Variants in CCNDBP1 observed in about 807,000 individuals in gnomAD.
The protein encoded by CCNDBP1 is cyclin-D1-binding protein 1.
In CCNDBP1, 45 loss-of-function variants were observed where a neutral mutation model predicts 46.2. The ratio of observed to expected loss-of-function variants is 0.97; its 90% CI spans 0.77 to 1.25. The LOEUF (loss-of-function observed/expected upper bound fraction) is 1.25. Among genes scored for constraint, CCNDBP1 ranks in the 50% most tolerant of loss-of-function variants. The pLI is 0.00. For synonymous variants in CCNDBP1, 154 were observed against 163.6 expected (o/e 0.94, Z 0.45); for missense variants, 436 against 442.1 (o/e 0.99, Z 0.12).
chr15:43,185,737 C>G (rs564932432), intron 1 of CCNDBP1, 83 bp from the exon 2 acceptor site: 704 of 1,486,760 alleles, frequency 4.7e-4, no homozygotes, highest in Admixed American at 1.0e-3. Context: ...GGCGGGGAGC[C>G]GGGCTTGGGC....
chr15:43,191,467 C>G lies in CCNDBP1; in HGVS notation c.652C>G (p.His218Asp). 1 of 1,586,240 alleles carries G rather than the reference C, an allele frequency of 6.3e-7. No individual in the cohort carries two copies. Among genetic ancestry groups the G allele is most frequent in the Non-Finnish European group, 8.6e-7 (1 of 1,164,356 alleles). Residue 218 changes from histidine (H) to aspartate (D), a missense_variant, in exon 8 of 11, where the codon CAT becomes GAT. Transcript: ENST00000300213. ...GGAGAACAACTCTGACAACCACAAT[C>G]ATGAGGATGATGTGTTGGGGTTTCC... is the stretch of plus-strand genomic sequence containing the variant. ...TEENNSDNHN[H>D]EDDVLGFPSN...
Position 43,194,972 on chromosome 15 carries a change from T to C in CCNDBP1, c.*131T>C. On this transcript the variant is annotated 3_prime_UTR_variant, in exon 11 of 11. Coordinates refer to ENST00000300213, the MANE Select transcript of CCNDBP1 (RefSeq NM_012142.5). Reference sequence around the variant, plus strand: ...CCTATCTATATTTAGCAAGAGACACTATTACCAAAGATTGTTGGTTAGGCC... The same window carrying C: ...CCTATCTATATTTAGCAAGAGACACCATTACCAAAGATTGTTGGTTAGGCC... 1 of 595,048 alleles carries C rather than the reference T, an allele frequency of 1.7e-6. No individual in the cohort carries two copies. Among genetic ancestry groups the C allele is most frequent in the Middle Eastern group, 2.6e-4 (1 of 3,852 alleles). 36.9% of individuals were successfully genotyped at this position (595,048 alleles called of 1,614,324 possible).
In CCNDBP1 at chr15:43,191,446, A is replaced by G; in HGVS notation, c.631A>G (p.Asn211Asp). ...TGGCCTCTTGAATGATACTGAGGAG[A>G]ACAACTCTGACAACCACAATCATGA... The part of the protein sequence containing the change: ...YSGLLNDTEE[N>D]NSDNHNHEDD... The change falls in exon 8 of 11, where the codon AAC (asparagine) becomes GAC (aspartate). Residue 211 changes from asparagine to aspartate, a missense_variant. Transcript: ENST00000300213. 3 of 1,613,238 alleles carry G rather than the reference A, an allele frequency of 1.9e-6. No homozygotes were observed. Among genetic ancestry groups the G allele is most frequent in the Non-Finnish European group, 2.5e-6 (3 of 1,179,912 alleles).
chr15:43,194,629 TA>T, intron 10 of CCNDBP1, 97 bp from the exon 11 acceptor site: 1 of 1,087,046 alleles, frequency 9.2e-7, no homozygotes. Flanking sequence ...AGCTTCCCTT[TA>T]AAAAAATTTT....
chr15:43,193,011 T>A, intron 9 of CCNDBP1: 1 of 564,118 alleles, frequency 1.8e-6, no homozygotes, highest in Non-Finnish European at 3.2e-6. Flanking sequence ...GGTAGTTCTC[T>A]CTTCCATAAT....
chr15:43,186,692 A>T (rs1487551389), intron 3 of CCNDBP1, among the ~76,000 whole-genome samples: 11 of 152,366 alleles, frequency 7.2e-5, no homozygotes, highest in African/African-American at 2.6e-4. Flanking sequence ...AATCAGTAAC[A>T]TATGTAGATA....
In CCNDBP1 at chr15:43,194,046, C is replaced by CTTTTT. The variant is rs748207621; in HGVS notation, c.922-343_922-339dup. 209 of 50,216 alleles carry CTTTTT rather than the reference C, an allele frequency of 4.2e-3. 2 individuals carry two copies. The highest frequency in any genetic ancestry group is 0.011 in the East Asian group (13 of 1,170). 3.1% of individuals were successfully genotyped at this position (50,216 alleles called of 1,614,324 possible). A position where few individuals can be genotyped will look rare whatever the true frequency, so the allele number is the denominator to read the frequency against. On this transcript the variant is annotated intron_variant, in intron 9 of 10. Coordinates refer to ENST00000300213, the MANE Select transcript of CCNDBP1 (RefSeq NM_012142.5). ...TGGTGTTCTTAAAATTCTTAATGCG[C>CTTTTT]TTTTTTTTTTTTTTTTTTTTTTTTT...
At chr15:43,189,820 A>G (rs2041918609) in intron 4 of CCNDBP1, 1 of 530,750 alleles carries the variant, frequency 1.9e-6, no homozygotes, top group Non-Finnish European at 3.3e-6. Flanking sequence ...GAATGAATAC[A>G]TGGTGTCACG....
intron 3 of CCNDBP1, 98 bp from the exon 4 acceptor site, chr15:43,189,101 A>AAAT (rs1555469930): frequency 5.1e-4 from 84 of 165,784 alleles, no homozygotes; most frequent in Non-Finnish European, 6.6e-4. Flanking sequence ...AAAAAAAAAA[A>AAAT]AAAGAAAAAG....
chr15:43,190,338 G>T lies in CCNDBP1; in HGVS notation c.442G>T (p.Asp148Tyr). Residue 148 changes from aspartate to tyrosine, a missense_variant, in exon 6 of 11, where the codon GAC becomes TAC. Coordinates refer to ENST00000300213, the MANE Select transcript of CCNDBP1 (RefSeq NM_012142.5). ...VTPTQSPENN[D>Y]LISYNSVWVA... is the part of the protein sequence containing the mutation. ...TTCTTTCCCCAGCCCTGAGAACAAT[G>T]ACCTTATTTCCTACAACAGTGTCTG... is the stretch of plus-strand genomic sequence containing the variant. The T allele has an allele frequency of 6.2e-7, 1 of 1,614,076 alleles. No individual in the cohort carries two copies. The highest frequency in any genetic ancestry group is 1.3e-5 in the African/African-American group (1 of 75,030).
In CCNDBP1 at chr15:43,196,316, T is replaced by G. The variant is rs1366959207; in HGVS notation, c.*1475T>G. 4 of 141,856 alleles carry G rather than the reference T, an allele frequency of 2.8e-5. No individual in the cohort carries two copies. In the East Asian group the frequency reaches 8.3e-4, roughly 30 times the overall value. 8.8% of individuals were successfully genotyped at this position (141,856 alleles called of 1,614,324 possible). On this transcript the variant is annotated 3_prime_UTR_variant, in exon 11 of 11. Coordinates refer to ENST00000300213, the MANE Select transcript of CCNDBP1 (RefSeq NM_012142.5). Reference sequence around the variant, plus strand: ...TTTTTTTTTTTTTGAGATGGAGTCTTGCTCTGTCCCCCAAGCTGGAGTGCA... The same window carrying G: ...TTTTTTTTTTTTTGAGATGGAGTCTGGCTCTGTCCCCCAAGCTGGAGTGCA...
intron 1 of CCNDBP1, 77 bp from the exon 2 acceptor site, chr15:43,185,743 T>G (rs2041808896): frequency 1.5e-5 from 23 of 1,510,848 alleles, no homozygotes; most frequent in Non-Finnish European, 2.0e-5. Flanking sequence ...GAGCCGGGCT[T>G]GGGCGAGGGA....
At position 43,195,586 on chromosome 15, in the gene CCNDBP1, T is replaced by G. The variant is rs2042029266; in HGVS notation, c.*745T>G. 1 of 152,192 alleles carries G rather than the reference T, an allele frequency of 6.6e-6. No individual in the cohort carries two copies. Among genetic ancestry groups the G allele is most frequent in the South Asian group, 2.1e-4 (1 of 4,836 alleles). The allele number at this position is 152,192 out of a possible 1,614,324, so 9.4% of individuals were successfully genotyped here. On this transcript the variant is annotated 3_prime_UTR_variant, in exon 11 of 11. Coordinates refer to ENST00000300213, the MANE Select transcript of CCNDBP1 (RefSeq NM_012142.5). ...AAAAATTTTTTAGTGTGTAAGAGATTTTATGTAATTTTAAGGGCCTTTTCA... is the reference window on the plus strand; with the variant it reads ...AAAAATTTTTTAGTGTGTAAGAGATGTTATGTAATTTTAAGGGCCTTTTCA...
intron 3 of CCNDBP1, 148 bp downstream of exon 3, chr15:43,186,381 GT>G: frequency 1.5e-6 from 1 of 672,028 alleles, no homozygotes; most frequent in South Asian, 1.9e-5. Context: ...CAGGATTGTT[GT>G]GAAGACCGAA....
At chr15:43,191,347 T>C in intron 7 of CCNDBP1, 48 bp from the exon 8 acceptor site, 1 of 618,210 alleles carries the variant, frequency 1.6e-6, no homozygotes, top group Non-Finnish European at 2.2e-6. Flanking sequence ...CCTCGCCTTT[T>C]TTTTTTTTTT....
rs897068297 is a variant in CCNDBP1, at chr15:43,195,171, A to G, written c.*330A>G. The G allele has an allele frequency of 1.0e-5, 2 of 191,104 alleles. No homozygotes were observed. Among genetic ancestry groups the G allele is most frequent in the Non-Finnish European group, 2.1e-5 (2 of 94,176 alleles). 11.8% of individuals were successfully genotyped at this position (191,104 alleles called of 1,614,324 possible). On this transcript the variant is annotated 3_prime_UTR_variant, in exon 11 of 11. Transcript: ENST00000300213. Reference sequence around the variant, plus strand: ...CATTGTAAAGATGTTGATGGTCTCAATAAAATGCTAACTTGCCAGTGATTA... The same window carrying G: ...CATTGTAAAGATGTTGATGGTCTCAGTAAAATGCTAACTTGCCAGTGATTA...
intron 8 of CCNDBP1, among the ~76,000 whole-genome samples, chr15:43,192,514 C>G (rs770038977): frequency 1.3e-5 from 2 of 152,126 alleles, no homozygotes; most frequent in Non-Finnish European, 2.9e-5. Flanking sequence ...GATCATGCAC[C>G]CTACTATGAA....
intron 9 of CCNDBP1, chr15:43,193,933 C>T (rs71476422): frequency 4.1e-6 from 1 of 242,664 alleles, no homozygotes; most frequent in South Asian, 3.9e-5. Flanking sequence ...AACATAGTAT[C>T]TGCTCTAGCA....
chr15:43,189,081 A>G, intron 3 of CCNDBP1, 118 bp from the exon 4 acceptor site: 1 of 396,204 alleles, frequency 2.5e-6, no homozygotes. Context: ...CTGTCTCAAA[A>G]AAAAAAAAAA....
Sources: gnomAD v4.1 joint callset for allele counts (sites outside exome capture counted in the v4.1 genomes callset) on GRCh38, gnomAD v4.1.1 for gene constraint, MANE v1.5 for transcripts, NCBI Gene and HGNC (gene_info 2026-07-23, HGNC 2026-07-21) for gene names.